The following DECR1 variants were observed in gnomAD, a reference collection of about 807,000 sequenced individuals.
DECR1 encodes 2,4-dienoyl-CoA reductase 1.
In DECR1, 44 loss-of-function variants were observed where a neutral mutation model predicts 38.8. That is an observed-to-expected ratio of 1.13 (90% confidence interval 0.89 to 1.46). DECR1 has a LOEUF of 1.46. DECR1 is among the 40% of genes most tolerant of loss of function. The probability of loss-of-function intolerance (pLI) is 0.00; values close to 1 mark genes in which losing one functional copy is unlikely to be tolerated. For synonymous variants in DECR1, 148 were observed against 135.2 expected (o/e 1.09, Z -0.66); for missense variants, 428 against 405.5 (o/e 1.06, Z -0.48).
chr8:90,051,768 T>G, intron 9 of DECR1, 29 bp downstream of exon 9: 1 of 1,612,780 alleles, frequency 6.2e-7, no homozygotes. Context: ...TAATGTAATA[T>G]CAGCAGCTAG....
chr8:90,029,026 G>A (rs1349108457), intron 5 of DECR1, among the ~76,000 whole-genome samples: 7 of 151,960 alleles, frequency 4.6e-5, no homozygotes, highest in Non-Finnish European at 8.8e-5. Context: ...TATTAAAATC[G>A]ACAATTGACA....
At position 90,051,660 on chromosome 8, in the gene DECR1, A is replaced by C. The variant is rs763932796; in HGVS notation, c.886-17A>C. On this transcript the variant is annotated splice_polypyrimidine_tract_variant and intron_variant, in intron 8 of 9. Transcript: ENST00000220764. Reference sequence around the variant, plus strand: ...AAAAGGAGTTAGTTTCAGAGTTTAAAAATTTGTTTTTTCCAGGTCATTAAA... The same window carrying C: ...AAAAGGAGTTAGTTTCAGAGTTTAACAATTTGTTTTTTCCAGGTCATTAAA... The C allele has an allele frequency of 2.6e-5, 42 of 1,607,974 alleles. No individual in the cohort carries two copies. The South Asian group carries it at 3.2e-4, about 12-fold the overall frequency.
chr8:90,045,275 C>T (rs1015696809), intron 8 of DECR1, among the ~76,000 whole-genome samples: 1 of 152,006 alleles, frequency 6.6e-6, no homozygotes, highest in African/African-American at 2.4e-5. Flanking sequence ...ATTCCCTTTC[C>T]TAGCCAAGGG....
chr8:90,027,923 T>A (rs1337499956), intron 5 of DECR1, among the ~76,000 whole-genome samples: 1 of 152,138 alleles, frequency 6.6e-6, no homozygotes, highest in African/African-American at 2.4e-5. Flanking sequence ...CTAGGCTGAA[T>A]CTTCCTTCAT....
chr8:90,013,833 C>G (rs1483888307), intron 1 of DECR1, among the ~76,000 whole-genome samples: 1 of 152,136 alleles, frequency 6.6e-6, no homozygotes, highest in Non-Finnish European at 1.5e-5. Flanking sequence ...GATATACAGT[C>G]CTTATCCTTG....
intron 5 of DECR1, among the ~76,000 whole-genome samples, chr8:90,021,816 A>T (rs538820047): frequency 6.6e-6 from 1 of 152,306 alleles, no homozygotes; most frequent in South Asian, 2.1e-4. Context: ...CAATGAGATT[A>T]AGAACACTGG....
intron 5 of DECR1, among the ~76,000 whole-genome samples, chr8:90,021,527 A>G (rs1438697810): frequency 2.6e-5 from 4 of 152,220 alleles, no homozygotes; most frequent in Non-Finnish European, 5.9e-5. Flanking sequence ...CAATACCAAA[A>G]TAAGGAGTTT....
intron 7 of DECR1, among the ~76,000 whole-genome samples, chr8:90,044,205 C>T (rs16902558): frequency 0.045 from 6,875 of 152,160 alleles, 290 homozygotes; most frequent in East Asian, 0.19. Context: ...CATGGAGTCC[C>T]CTGAGTGTTT....
At chr8:90,017,445 C>A in intron 2 of DECR1, 119 bp downstream of exon 2, 1 of 583,762 alleles carries the variant, frequency 1.7e-6, no homozygotes, top group East Asian at 3.1e-5. Context: ...ATATGAAATA[C>A]TAGAAATATT....
At chr8:90,038,951 T>G (rs1186257840) in intron 6 of DECR1, among the ~76,000 whole-genome samples, 1 of 152,198 alleles carries the variant, frequency 6.6e-6, no homozygotes, top group East Asian at 1.9e-4. Context: ...AATGTCAATA[T>G]TTGTTTTGTG....
chr8:90,027,716 A>G (rs1017293300), intron 5 of DECR1, among the ~76,000 whole-genome samples: 1 of 151,998 alleles, frequency 6.6e-6, no homozygotes, highest in Non-Finnish European at 1.5e-5. Flanking sequence ...TAGCCCATTT[A>G]CATTTAAGAT....
intron 5 of DECR1, among the ~76,000 whole-genome samples, chr8:90,028,663 T>G (rs1455880888): frequency 1.3e-5 from 2 of 152,026 alleles, no homozygotes; most frequent in Non-Finnish European, 2.9e-5. Context: ...TAACCAAATT[T>G]TCACTTATTT....
intron 1 of DECR1, among the ~76,000 whole-genome samples, chr8:90,014,518 TATAAG>T (rs2130032618): frequency 6.6e-6 from 1 of 152,336 alleles, no homozygotes; most frequent in South Asian, 2.1e-4. Context: ...GATCAGATCA[TATAAG>T]ATAAAAATGT....
At chr8:90,049,759 A>G (rs952143177) in intron 8 of DECR1, among the ~76,000 whole-genome samples, 3 of 152,300 alleles carry the variant, frequency 2.0e-5, no homozygotes, top group African/African-American at 4.8e-5. Context: ...GCATCATCAC[A>G]CTACCTGACT....
In DECR1 at chr8:90,001,573, G is replaced by A. The variant is rs1563607589; in HGVS notation, c.69+12G>A. On this transcript the variant is annotated intron_variant, in intron 1 of 9. Coordinates refer to ENST00000220764, the MANE Select transcript of DECR1 (RefSeq NM_001359.2). ...TCGCTCCTCGGAGGGTAAGGCGGCC[G>A]GGGGCGCGGGGAGCGAGGACAGGGC... is the stretch of plus-strand genomic sequence containing the variant. 1 of 1,609,306 alleles carries A rather than the reference G, an allele frequency of 6.2e-7. No individual in the cohort carries two copies. Among genetic ancestry groups the A allele is most frequent in the Non-Finnish European group, 8.5e-7 (1 of 1,177,016 alleles).
chr8:90,042,477 T>C (rs1403603662), intron 6 of DECR1: 3 of 503,308 alleles, frequency 6.0e-6, no homozygotes, highest in Non-Finnish European at 1.1e-5. Flanking sequence ...GGTTGTACAG[T>C]AGAGTGACTA....
Position 90,025,681 on chromosome 8 carries a change from ACTT to A in DECR1, c.565+4632_565+4634del, listed in dbSNP as rs1175480773. ...GTCATCTGCAAACAGGAACAATTTG[ACTT>A]CTTCTTTTCCTAATTGAATATCCCT... On this transcript the variant is annotated intron_variant, in intron 5 of 9. Transcript: ENST00000220764. Among the ~76,000 whole-genome samples the A allele has an allele frequency of 3.3e-5, 5 of 152,094 alleles. No individual in the cohort carries two copies. The East Asian group carries it at 9.6e-4, about 29-fold the overall frequency.
At chr8:90,001,583 G>A in intron 1 of DECR1, 22 bp downstream of exon 1, 1 of 1,608,774 alleles carries the variant, frequency 6.2e-7, no homozygotes. Flanking sequence ...GGGGGCGCGG[G>A]GAGCGAGGAC....
chr8:90,011,342 A>G (rs1285725729), intron 1 of DECR1, among the ~76,000 whole-genome samples: 1 of 152,190 alleles, frequency 6.6e-6, no homozygotes, highest in Non-Finnish European at 1.5e-5. Flanking sequence ...GCTCTAATTC[A>G]TTGGCTATGT....
Sources: gnomAD v4.1 joint callset for allele counts (sites outside exome capture counted in the v4.1 genomes callset) on GRCh38, gnomAD v4.1.1 for gene constraint, MANE v1.5 for transcripts, NCBI Gene and HGNC (gene_info 2026-07-23, HGNC 2026-07-21) for gene names.